DPP6: variants seen among roughly 807,000 people sequenced by gnomAD.
The protein encoded by DPP6 is dipeptidyl peptidase like 6.
A neutral mutation model predicts 122.6 loss-of-function variants in DPP6; 69 were observed. The ratio of observed to expected loss-of-function variants is 0.56; its 90% CI spans 0.46 to 0.69. The LOEUF is 0.69. DPP6 is among the 30% of genes least tolerant of loss of function. DPP6 has a pLI of 0.00. For missense variants in DPP6, 928 were observed against 1,116.9 expected (o/e 0.83, Z 2.41); for synonymous variants, 418 against 433.1 (o/e 0.97, Z 0.43).
chr7:154,745,583 A>T (rs1316574449), intron 8 of DPP6, among the ~76,000 whole-genome samples: 1 of 152,206 alleles, frequency 6.6e-6, no homozygotes, highest in Non-Finnish European at 1.5e-5. Context: ...TAAAAAGAAG[A>T]GTTTATTTGC....
At chr7:154,012,913 C>T (rs995300611) in intron 1 of DPP6, among the ~76,000 whole-genome samples, 16 of 152,216 alleles carry the variant, frequency 1.1e-4, no homozygotes, top group African/African-American at 3.9e-4. Flanking sequence ...AGTTTACTTA[C>T]TGGCTGTGAG....
chr7:154,332,244 G>A (rs1053337256), intron 1 of DPP6, among the ~76,000 whole-genome samples: 1 of 151,908 alleles, frequency 6.6e-6, no homozygotes, highest in Non-Finnish European at 1.5e-5. Flanking sequence ...GCTAATTTGT[G>A]TATTTTTAGT....
chr7:153,899,583 C>A (rs1387697634), intron 1 of DPP6, among the ~76,000 whole-genome samples: 1 of 152,176 alleles, frequency 6.6e-6, no homozygotes, highest in Non-Finnish European at 1.5e-5. Context: ...TAGTCTTGGA[C>A]TTTGAATATC....
chr7:154,872,557 A>C, intron 18 of DPP6, 67 bp from the exon 19 acceptor site: 2 of 1,543,812 alleles, frequency 1.3e-6, no homozygotes, highest in Non-Finnish European at 1.7e-6. Context: ...CGGTCACCCA[A>C]GGGCATGCCC....
chr7:153,887,814 C>T, intron 1 of DPP6: 2 of 1,481,200 alleles, frequency 1.4e-6, no homozygotes, highest in East Asian at 4.7e-5. Flanking sequence ...CTGTCCTTCT[C>T]AGTCCCGAAC....
At chr7:154,728,522 A>G (rs1197549453) in intron 8 of DPP6, among the ~76,000 whole-genome samples, 1 of 152,202 alleles carries the variant, frequency 6.6e-6, no homozygotes, top group African/African-American at 2.4e-5. Flanking sequence ...CTTCATCGTA[A>G]CAATAACAAC....
chr7:154,356,448 AT>A (rs1215546974), intron 1 of DPP6, among the ~76,000 whole-genome samples: 10 of 152,148 alleles, frequency 6.6e-5, no homozygotes, highest in Non-Finnish European at 2.9e-5. Context: ...CTTGCCTGTA[AT>A]CCCAGCACTT....
At chr7:154,406,696 C>T (rs2151197514) in intron 1 of DPP6, among the ~76,000 whole-genome samples, 1 of 148,208 alleles carries the variant, frequency 6.7e-6, no homozygotes. Context: ...CAGCCTTCTC[C>T]TGGAACTTCT....
intron 1 of DPP6, among the ~76,000 whole-genome samples, chr7:154,443,762 T>C (rs889235734): frequency 6.6e-6 from 1 of 152,244 alleles, no homozygotes; most frequent in Non-Finnish European, 1.5e-5. Flanking sequence ...AGAAAACTTA[T>C]TCTTCTTAGA....
chr7:154,358,983 G>A (rs1030901971), intron 1 of DPP6, among the ~76,000 whole-genome samples: 1 of 152,236 alleles, frequency 6.6e-6, no homozygotes. Flanking sequence ...TGGGATTACA[G>A]GCGTGAGACA....
chr7:154,177,253 G>A (rs1449316386), intron 1 of DPP6, among the ~76,000 whole-genome samples: 1 of 152,116 alleles, frequency 6.6e-6, no homozygotes, highest in Non-Finnish European at 1.5e-5. Context: ...TTCAATACAA[G>A]GTTTTTGGTT....
chr7:153,993,019 A>G (rs1203558466), intron 1 of DPP6, among the ~76,000 whole-genome samples: 2 of 152,086 alleles, frequency 1.3e-5, no homozygotes, highest in Non-Finnish European at 2.9e-5. Context: ...GTAATTCTAT[A>G]TTCACATTAT....
chr7:153,967,351 G>T (rs537431116), intron 1 of DPP6, among the ~76,000 whole-genome samples: 74 of 152,256 alleles, frequency 4.9e-4, no homozygotes, highest in Non-Finnish European at 6.8e-4. Context: ...AGATGGCCTT[G>T]CAGTTTGAAC....
chr7:154,180,531 G>GTA (rs1264158841), intron 1 of DPP6, among the ~76,000 whole-genome samples: 3 of 142,310 alleles, frequency 2.1e-5, no homozygotes, highest in African/African-American at 5.2e-5. Flanking sequence ...TATATAGAGA[G>GTA]TATATATATG....
intron 1 of DPP6, among the ~76,000 whole-genome samples, chr7:154,170,165 A>C (rs1797460851): frequency 6.6e-6 from 1 of 152,128 alleles, no homozygotes; most frequent in Non-Finnish European, 1.5e-5. Context: ...CACAGTCAAC[A>C]GGCTCTGATC....
chr7:154,579,288 G>A (rs1477490657), intron 5 of DPP6, among the ~76,000 whole-genome samples: 1 of 152,100 alleles, frequency 6.6e-6, no homozygotes, highest in African/African-American at 2.4e-5. Context: ...GGCAGAGGTG[G>A]CAGTGAGCTG....
intron 1 of DPP6, among the ~76,000 whole-genome samples, chr7:154,286,488 C>T (rs1326177921): frequency 6.6e-6 from 1 of 152,212 alleles, no homozygotes; most frequent in African/African-American, 2.4e-5. Context: ...CCATAGCCAG[C>T]CTTCATCTAT....
At chr7:154,597,360 T>C (rs1833160540) in intron 5 of DPP6, among the ~76,000 whole-genome samples, 1 of 151,960 alleles carries the variant, frequency 6.6e-6, no homozygotes, top group Non-Finnish European at 1.5e-5. Context: ...TCCCAGCACT[T>C]TGGGAGGCCG....
At chr7:153,843,509 C>CA in the DPP6 span, among the ~76,000 whole-genome samples, 52,468 of 151,522 alleles carry the variant, frequency 0.35, 10,005 homozygotes, top group African/African-American at 0.51. Flanking sequence ...AAACTGGGTC[C>CA]GGGGGGTCAC....
Sources: gnomAD v4.1 joint callset for allele counts (sites outside exome capture counted in the v4.1 genomes callset) on GRCh38, gnomAD v4.1.1 for gene constraint, MANE v1.5 for transcripts, NCBI Gene and HGNC (gene_info 2026-07-23, HGNC 2026-07-21) for gene names.